Variants in TIAM1 observed in about 807,000 individuals in gnomAD.
TIAM1 encodes rho guanine nucleotide exchange factor TIAM1.
A neutral mutation model predicts 163.5 loss-of-function variants in TIAM1; 65 were observed. The ratio of observed to expected loss-of-function variants is 0.40; its 90% CI spans 0.33 to 0.49. The LOEUF is 0.49. Among genes scored for constraint, TIAM1 ranks in the 20% least tolerant of loss-of-function variants. TIAM1 has a pLI of 0.77. For synonymous variants in TIAM1, 833 were observed against 810.1 expected, an observed-to-expected ratio of 1.03 and a Z score of -0.48; for missense variants, 1,789 against 2,044.7, an observed-to-expected ratio of 0.87 and a Z score of 2.41.
intron 14 of TIAM1, among the ~76,000 whole-genome samples, chr21:31,183,037 A>G (rs986280894): frequency 3.3e-5 from 5 of 152,162 alleles, no homozygotes; most frequent in Admixed American, 3.3e-4. Context: ...GTACATGTTC[A>G]TGCCTCAGTG....
At chr21:31,558,937 CGT>C (rs1323232110) in exon 1 of TIAM1, 1 of 151,876 alleles carries the variant, frequency 6.6e-6, no homozygotes, top group Non-Finnish European at 1.5e-5. Flanking sequence ...CCGCGACGGT[CGT>C]CCGGGATCTC....
At chr21:31,320,548 C>T (rs914163353) in intron 2 of TIAM1, among the ~76,000 whole-genome samples, 15 of 152,178 alleles carry the variant, frequency 9.9e-5, no homozygotes, top group Admixed American at 3.3e-4. Flanking sequence ...ATGGTTGAGT[C>T]TGAGGTCTCC....
At chr21:31,297,664 A>C (rs1184304282) in intron 2 of TIAM1, among the ~76,000 whole-genome samples, 1 of 152,212 alleles carries the variant, frequency 6.6e-6, no homozygotes, top group South Asian at 2.1e-4. Context: ...GATTACAGGC[A>C]TGAGCCACCG....
chr21:31,458,682 T>C (rs2045206443), intron 2 of TIAM1, among the ~76,000 whole-genome samples: 1 of 150,776 alleles, frequency 6.6e-6, no homozygotes, highest in African/African-American at 2.4e-5. Flanking sequence ...CGACTGACAA[T>C]GAATACGTCC....
At chr21:31,335,101 T>C (rs1423710193) in intron 2 of TIAM1, among the ~76,000 whole-genome samples, 1 of 152,082 alleles carries the variant, frequency 6.6e-6, no homozygotes, top group East Asian at 1.9e-4. Context: ...CCCAGGCCGT[T>C]TGTGCCACAA....
intron 15 of TIAM1, among the ~76,000 whole-genome samples, chr21:31,170,591 A>T (rs180868787): frequency 1.2e-3 from 178 of 152,354 alleles, no homozygotes; most frequent in African/African-American, 4.0e-3. Context: ...ATAAAATTAC[A>T]GTAATCTAAA....
rs185661732 is a variant in TIAM1 at position 31,403,148 on chromosome 21, A to G, written c.-369+60835T>C. Among the ~76,000 whole-genome samples, 323 of 152,122 alleles carry G rather than the reference A, an allele frequency of 2.1e-3. 1 individual carries two copies. The highest frequency in any genetic ancestry group is 7.4e-3 in the African/African-American group (307 of 41,502). Reference sequence around the variant, plus strand: ...GTTAACAGTTAAGTATAAAGATGATATACTTTTTTATTTTTTTAAGACAGA... The same window carrying G: ...GTTAACAGTTAAGTATAAAGATGATGTACTTTTTTATTTTTTTAAGACAGA... On this transcript the variant is annotated intron_variant, in intron 2 of 28. Coordinates refer to the TIAM1 transcript ENST00000286827.
chr21:31,424,190 T>C (rs1299249032), intron 2 of TIAM1, among the ~76,000 whole-genome samples: 1 of 152,180 alleles, frequency 6.6e-6, no homozygotes, highest in Non-Finnish European at 1.5e-5. Flanking sequence ...GCAGATTCGG[T>C]TTTATTTAGT....
At chr21:31,220,775 A>G (rs958655946) in intron 8 of TIAM1, among the ~76,000 whole-genome samples, 1 of 152,236 alleles carries the variant, frequency 6.6e-6, no homozygotes, top group Non-Finnish European at 1.5e-5. Context: ...GAACTGCTGG[A>G]CCAGAGCTCA....
At chr21:31,186,455 A>G (rs921004382) in intron 14 of TIAM1, among the ~76,000 whole-genome samples, 2 of 152,160 alleles carry the variant, frequency 1.3e-5, no homozygotes, top group South Asian at 4.1e-4. Context: ...GGACGACCAC[A>G]TGATTAGAAT....
At chr21:31,389,083 A>C (rs1236066112) in intron 2 of TIAM1, among the ~76,000 whole-genome samples, 1 of 152,254 alleles carries the variant, frequency 6.6e-6, no homozygotes, top group African/African-American at 2.4e-5. Flanking sequence ...TACATACGTG[A>C]ATGGGTGTGG....
chr21:31,555,953 G>C (rs1457647426), intron 1 of TIAM1, among the ~76,000 whole-genome samples: 1 of 152,078 alleles, frequency 6.6e-6, no homozygotes. Flanking sequence ...CTGGTTTAGA[G>C]GGGGAGGGGA....
At chr21:31,174,623 T>G (rs767767784) in intron 15 of TIAM1, among the ~76,000 whole-genome samples, 2 of 152,230 alleles carry the variant, frequency 1.3e-5, no homozygotes, top group African/African-American at 2.4e-5. Context: ...GGAACTTTTA[T>G]TATTTTTAAA....
At chr21:31,274,169 C>T (rs866767486) in intron 3 of TIAM1, among the ~76,000 whole-genome samples, 5 of 151,960 alleles carry the variant, frequency 3.3e-5, no homozygotes, top group East Asian at 1.9e-4. Flanking sequence ...GAGCCAAGAT[C>T]GTGCCACTGC....
chr21:31,213,866 C>CAAAAAA (rs35524539), intron 9 of TIAM1, among the ~76,000 whole-genome samples: 1 of 54,842 alleles, frequency 1.8e-5, no homozygotes, highest in African/African-American at 6.2e-5. Context: ...CTCATCTCTA[C>CAAAAAA]AAAAAAAAAA....
chr21:31,524,754 C>T (rs1223880526), intron 1 of TIAM1, among the ~76,000 whole-genome samples: 2 of 152,166 alleles, frequency 1.3e-5, no homozygotes, highest in African/African-American at 4.8e-5. Flanking sequence ...TAGATAATTA[C>T]AGCAAAAACT....
In TIAM1 at chr21:31,308,473, ATATAT is replaced by A. The variant is rs1012574564; in HGVS notation, c.-189+30765_-189+30769del. ...AAATCACTAATATATGGTTTATATT[ATATAT>A]TAATTACATATAATTATTTTAAACA... is the stretch of plus-strand genomic sequence containing the variant. On this transcript the variant is annotated intron_variant, in intron 2 of 27. Coordinates refer to ENST00000541036, the MANE Select transcript of TIAM1 (RefSeq NM_001353694.2). Among the ~76,000 whole-genome samples, 16 of 150,862 alleles carry A rather than the reference ATATAT, an allele frequency of 1.1e-4. No homozygotes were observed. In the South Asian group the frequency reaches 1.5e-3, roughly 14 times the overall value.
chr21:31,239,191 C>G (rs905070552), intron 6 of TIAM1, among the ~76,000 whole-genome samples: 2 of 152,040 alleles, frequency 1.3e-5, no homozygotes, highest in Non-Finnish European at 2.9e-5. Context: ...GGTGCAACCA[C>G]GGCTCACTGC....
chr21:31,291,584 C>T lies in TIAM1; in HGVS notation c.-188-14676G>A, dbSNP rs544855627. ...TGTCGCCCAGGCGACAACACAATGG[C>T]GTGATCTCGGCTCACTGCAACCTCC... On this transcript the variant is annotated intron_variant, in intron 2 of 27. Coordinates refer to ENST00000541036, the MANE Select transcript of TIAM1 (RefSeq NM_001353694.2). Among the ~76,000 whole-genome samples, 8 of 152,348 alleles carry T rather than the reference C, an allele frequency of 5.3e-5. No individual in the cohort carries two copies. In the South Asian group the frequency reaches 1.7e-3, roughly 32 times the overall value.
Sources: gnomAD v4.1 joint callset for allele counts (sites outside exome capture counted in the v4.1 genomes callset) on GRCh38, gnomAD v4.1.1 for gene constraint, MANE v1.5 for transcripts, NCBI Gene and HGNC (gene_info 2026-07-23, HGNC 2026-07-21) for gene names.